CELF2: variants seen among roughly 807,000 people sequenced by gnomAD.
The protein encoded by CELF2 is CUG triplet repeat RNA-binding protein 2.
In CELF2, 8 loss-of-function variants were observed where a neutral mutation model predicts 62.6. The observed-to-expected ratio is 0.13, with a 90% CI of 0.07 to 0.23. The LOEUF is 0.23. CELF2 is among the 10% of genes least tolerant of loss of function. The pLI, the probability that CELF2 is intolerant of heterozygous loss-of-function variation, is 1.00. For synonymous variants in CELF2, 258 were observed against 250.0 expected (o/e 1.03, Z -0.30); for missense variants, 333 against 671.0 (o/e 0.50, Z 5.56).
chr10:10,712,677 G>A, the CELF2 span, among the ~76,000 whole-genome samples: 6 of 152,052 alleles, frequency 3.9e-5, no homozygotes, highest in Admixed American at 1.3e-4. Flanking sequence ...AACTTAACAC[G>A]GCCAAAGTAC....
At chr10:10,545,271 G>A in the CELF2 span, among the ~76,000 whole-genome samples, 1 of 152,224 alleles carries the variant, frequency 6.6e-6, no homozygotes, top group Admixed American at 6.5e-5. Context: ...TTGTATGTAT[G>A]TGTGCTGGTA....
At chr10:11,036,774 G>A (rs1243822954) in intron 1 of CELF2, among the ~76,000 whole-genome samples, 2 of 152,226 alleles carry the variant, frequency 1.3e-5, no homozygotes, top group Admixed American at 6.5e-5. Context: ...GCGGCTGAGG[G>A]AGGAAGCATC....
the CELF2 span, among the ~76,000 whole-genome samples, chr10:10,481,231 T>G: frequency 6.6e-6 from 1 of 152,200 alleles, no homozygotes; most frequent in Non-Finnish European, 1.5e-5. Flanking sequence ...CATATTAAAG[T>G]GCTTTCTGTG....
intron 1 of CELF2, among the ~76,000 whole-genome samples, chr10:10,819,032 A>G (rs1338868578): frequency 6.6e-6 from 1 of 152,174 alleles, no homozygotes; most frequent in Non-Finnish European, 1.5e-5. Context: ...CAGACATGGG[A>G]TGAGCCCAGA....
the CELF2 span, among the ~76,000 whole-genome samples, chr10:10,483,214 C>CAAAAAAAAAAAAAAA: frequency 1.1e-5 from 1 of 93,436 alleles, no homozygotes; most frequent in Non-Finnish European, 2.2e-5. Flanking sequence ...GGCAGAATAC[C>CAAAAAAAAAAAAAAA]AAAAAAAAAA....
the CELF2 span, among the ~76,000 whole-genome samples, chr10:10,476,493 C>T: frequency 9.2e-5 from 14 of 152,156 alleles, no homozygotes; most frequent in Admixed American, 9.2e-4. Context: ...AAAGTAATGC[C>T]ATCTGGCTGG....
the CELF2 span, among the ~76,000 whole-genome samples, chr10:10,610,609 G>A: frequency 6.6e-6 from 1 of 152,276 alleles, no homozygotes; most frequent in Non-Finnish European, 1.5e-5. Context: ...GAGATTGGAA[G>A]TCAGAAGTTT....
chr10:10,625,926 T>C, the CELF2 span, among the ~76,000 whole-genome samples: 2 of 152,008 alleles, frequency 1.3e-5, no homozygotes, highest in Non-Finnish European at 2.9e-5. Flanking sequence ...TTTTTTTTTT[T>C]CTTCTAAAAA....
At chr10:10,679,592 A>G in the CELF2 span, among the ~76,000 whole-genome samples, 1 of 152,204 alleles carries the variant, frequency 6.6e-6, no homozygotes, top group Non-Finnish European at 1.5e-5. Flanking sequence ...GCCTGGCCCT[A>G]TGTTTTACTT....
At chr10:10,667,289 A>T in the CELF2 span, among the ~76,000 whole-genome samples, 2 of 152,202 alleles carry the variant, frequency 1.3e-5, no homozygotes, top group Non-Finnish European at 2.9e-5. Flanking sequence ...TATTTTAGTG[A>T]CTGCCCCTGT....
At chr10:11,111,662 A>G (rs556938133) in intron 1 of CELF2, among the ~76,000 whole-genome samples, 4 of 152,272 alleles carry the variant, frequency 2.6e-5, no homozygotes, top group Non-Finnish European at 4.4e-5. Context: ...AACGTGCCCT[A>G]TGTCGTACAG....
At chr10:10,695,051 G>C in the CELF2 span, among the ~76,000 whole-genome samples, 79 of 149,870 alleles carry the variant, frequency 5.3e-4, 3 homozygotes, top group African/African-American at 1.9e-3. Context: ...CTGTCATTAT[G>C]ATGTTAGCTG....
the CELF2 span, among the ~76,000 whole-genome samples, chr10:10,483,058 G>A: frequency 1.3e-5 from 2 of 151,954 alleles, no homozygotes; most frequent in African/African-American, 4.8e-5. Flanking sequence ...CATGTGGCTG[G>A]TGTGTCCCCT....
chr10:10,539,315 C>T, the CELF2 span, among the ~76,000 whole-genome samples: 11 of 151,864 alleles, frequency 7.2e-5, no homozygotes, highest in African/African-American at 2.7e-4. Context: ...TTGCCTGTCA[C>T]CATTAGAGAA....
At chr10:11,087,038 G>C (rs1208149820) in intron 1 of CELF2, among the ~76,000 whole-genome samples, 2 of 152,124 alleles carry the variant, frequency 1.3e-5, no homozygotes, top group Admixed American at 6.5e-5. Context: ...GGCCACAGGA[G>C]GCTACAGAAT....
At chr10:10,694,852 T>C in the CELF2 span, among the ~76,000 whole-genome samples, 1 of 151,594 alleles carries the variant, frequency 6.6e-6, no homozygotes, top group African/African-American at 2.4e-5. Context: ...TTTTTTTGTT[T>C]TCCATTTGCT....
At chr10:11,088,811 T>C (rs2047521955) in intron 1 of CELF2, among the ~76,000 whole-genome samples, 1 of 152,188 alleles carries the variant, frequency 6.6e-6, no homozygotes, top group Non-Finnish European at 1.5e-5. Flanking sequence ...GAGCCTCAGC[T>C]GGAAGAATTC....
the CELF2 span, among the ~76,000 whole-genome samples, chr10:10,651,834 C>T: frequency 1.7e-4 from 26 of 150,962 alleles, no homozygotes; most frequent in African/African-American, 4.1e-4. Context: ...TCCAAAGGAA[C>T]GCAGTTCCTC....
intron 1 of CELF2, among the ~76,000 whole-genome samples, chr10:11,025,207 ATGTGTGTGTGTGTG>A (rs372783836): frequency 9.9e-5 from 14 of 141,146 alleles, no homozygotes; most frequent in African/African-American, 3.4e-4. Flanking sequence ...ATATACATAT[ATGTGTGTGTGTGTG>A]TGTGTGTGTG....
Sources: gnomAD v4.1 joint callset for allele counts (sites outside exome capture counted in the v4.1 genomes callset) on GRCh38, gnomAD v4.1.1 for gene constraint, MANE v1.5 for transcripts, NCBI Gene and HGNC (gene_info 2026-07-23, HGNC 2026-07-21) for gene names.